Variants in ZBTB7A observed in about 807,000 individuals in gnomAD.
ZBTB7A encodes the protein zinc finger and BTB domain-containing protein 7A.
In ZBTB7A, 7 loss-of-function variants were observed where a neutral mutation model predicts 26.7. The ratio of observed to expected loss-of-function variants is 0.26; its 90% CI spans 0.15 to 0.49. ZBTB7A has a LOEUF of 0.49. ZBTB7A is among the 20% of genes least tolerant of loss of function. ZBTB7A has a pLI of 0.98. For missense variants in ZBTB7A, 617 were observed against 919.5 expected, an observed-to-expected ratio of 0.67 and a Z score of 4.25; for synonymous variants, 452 against 441.0, an observed-to-expected ratio of 1.02 and a Z score of -0.31.
At chr19:4,050,619 C>T (rs2040492728) in intron 2 of ZBTB7A, among the ~76,000 whole-genome samples, 1 of 152,132 alleles carries the variant, frequency 6.6e-6, no homozygotes, top group South Asian at 2.1e-4. Flanking sequence ...GCTGGAAGTG[C>T]AAAAGGTACC....
Position 4,054,844 on chromosome 19 carries a change from T to C in ZBTB7A, c.389A>G (p.Gln130Arg). The change falls in exon 2 of 3, where the codon CAG becomes CGG. Residue 130 changes from glutamine to arginine, a missense_variant. By Grantham distance (43) the Gln-to-Arg change is conservative (BLOSUM62 1). This residue lies in a region of ZBTB7A where 331 missense variants were observed against 391.3 expected (regional missense o/e 0.85). Coordinates refer to ENST00000322357, the MANE Select transcript of ZBTB7A (RefSeq NM_015898.4). The stretch of plus-strand genomic sequence containing the variant: ...GGCGCCCGCGTCGGCCGCCAGGATC[T>C]GCCGGTCCAGGAGGTCGGCGCACAC... ...SHVCADLLDR[Q>R]ILAADAGADA... 1 of 1,607,456 alleles carries C rather than the reference T, an allele frequency of 6.2e-7. No homozygotes were observed. The highest frequency in any genetic ancestry group is 8.5e-7 in the Non-Finnish European group (1 of 1,176,910).
At position 4,054,410 on chromosome 19, in the gene ZBTB7A, C is replaced by T. The variant is rs1226893087; in HGVS notation, c.823G>A (p.Gly275Ser). 1.2e-5 allele frequency: 17 copies of T among 1,383,824 alleles called. No individual in the cohort carries two copies. The East Asian group carries it at 1.3e-4, about 10-fold the overall frequency. The allele number at this position is 1,383,824 out of a possible 1,614,324, so 85.7% of individuals were successfully genotyped here. Residue 275 changes from glycine to serine, a missense_variant, in exon 2 of 3, where the codon GGC becomes AGC. By Grantham distance (56) the Gly-to-Ser change is moderately conservative. Coordinates refer to ENST00000322357, the MANE Select transcript of ZBTB7A (RefSeq NM_015898.4). ...AGCGAGGCGGCCTCCTCCTCTCCGC[C>T]GCGGCCGTAGTGGCCGTTCTGCGTG... Reference protein sequence around the residue: ...AATQNGHYGRGGEEEAASLSE... With the variant: ...AATQNGHYGRSGEEEAASLSE...
In ZBTB7A at chr19:4,049,498, G is replaced by A. The variant is rs1249296303; in HGVS notation, c.1263-1254C>T. Among the ~76,000 whole-genome samples the A allele has an allele frequency of 2.0e-5, 3 of 152,026 alleles. No individual in the cohort carries two copies. In the East Asian group the frequency reaches 5.9e-4, roughly 30 times the overall value. On this transcript the variant is annotated intron_variant, in intron 2 of 2. Coordinates refer to ENST00000322357, the MANE Select transcript of ZBTB7A (RefSeq NM_015898.4). ...AGGGCCAGGCCCTGTTCCAGGTGCT[G>A]AAAATACCGCAAGGAACAAGACAGG...
In ZBTB7A at chr19:4,054,834, C is replaced by T. The variant is rs1366050145; in HGVS notation, c.399G>A (p.Ala133=). ...CADLLDRQIL[A]ADAGADAGQL... ...GCCCGGCGTCGGCGCCCGCGTCGGC[C>T]GCCAGGATCTGCCGGTCCAGGAGGT... The change falls in exon 2 of 3, where the codon GCG becomes GCA. Residue 133 remains alanine, a synonymous_variant. Transcript: ENST00000322357. The T allele has an allele frequency of 1.2e-6, 2 of 1,604,846 alleles. No homozygotes were observed. Among genetic ancestry groups the T allele is most frequent in the Non-Finnish European group, 1.7e-6 (2 of 1,175,714 alleles).
intron 2 of ZBTB7A, among the ~76,000 whole-genome samples, 200 bp downstream of exon 2, chr19:4,053,769 CGT>C (rs2040534057): frequency 6.7e-6 from 1 of 149,128 alleles, no homozygotes; most frequent in African/African-American, 2.5e-5. Flanking sequence ...TGTGCAAGTG[CGT>C]GTATGTGTGT....
Position 4,052,348 on chromosome 19 carries a change from G to GC in ZBTB7A, c.1262+1622dup, listed in dbSNP as rs1005276533. 9.2e-5 allele frequency among the ~76,000 whole-genome samples: 14 copies of GC among 152,086 alleles called. No individual in the cohort carries two copies. The highest frequency in any genetic ancestry group is 2.9e-4 in the African/African-American group (12 of 41,416). On this transcript the variant is annotated intron_variant, in intron 2 of 2. Coordinates refer to ENST00000322357, the MANE Select transcript of ZBTB7A (RefSeq NM_015898.4). This position sits in a 1 kb window ranked among gnomAD's most constrained non-coding sequence, Gnocchi z 4.9. ...GTGACCCCTGCCTGGAGGAAGAGGA[G>GC]CCCCCCAAGACCTCCAGTACCCCAA...
rs139888569 is a variant in ZBTB7A, at chr19:4,047,770, G to T, written c.1737C>A (p.Phe579Leu). 6.2e-7 allele frequency: 1 copy of T among 1,600,916 alleles called. No individual in the cohort carries two copies. The highest frequency in any genetic ancestry group is 1.1e-5 in the South Asian group (1 of 89,596). ...GGPGAATDGN[F>L]TAGLA ...TTGGTTTTTAGGCGAGTCCGGCTGT[G>T]AAGTTACCGTCGGTGGCGGCCCCGG... The change falls in exon 3 of 3, where the codon TTC (phenylalanine) becomes TTA (leucine). Residue 579 changes from phenylalanine (F) to leucine (L), a missense_variant. Physicochemically the swap from Phe to Leu is conservative, Grantham distance 22. This residue lies in a region of ZBTB7A where 136 missense variants were observed against 126.6 expected (regional missense o/e 1.07). Transcript: ENST00000322357.
chr19:4,046,423 TCTCG>T lies in ZBTB7A; in HGVS notation c.*1325_*1328del, dbSNP rs2040417700. The T allele has an allele frequency of 1.4e-5, 2 of 139,970 alleles. No individual in the cohort carries two copies. Among genetic ancestry groups the T allele is most frequent in the African/African-American group, 5.8e-5 (2 of 34,300 alleles). 8.7% of individuals were successfully genotyped at this position (139,970 alleles called of 1,614,324 possible). A position where few individuals can be genotyped will look rare whatever the true frequency, so the allele number is the denominator to read the frequency against. ...CTCTCGCTCTCTCTCTCGCTCTCTC[TCTCG>T]CTCGCTTTTTTTTTTTTTTTTTGTC... On this transcript the variant is annotated 3_prime_UTR_variant, in exon 3 of 3. Transcript: ENST00000322357.
intron 1 of ZBTB7A, among the ~76,000 whole-genome samples, chr19:4,057,712 G>A (rs750156364): frequency 7.3e-5 from 11 of 151,208 alleles, no homozygotes; most frequent in Non-Finnish European, 1.0e-4. Flanking sequence ...ACCAGGAGGT[G>A]GAGGCTGCAG....
chr19:4,066,639 G>A (rs2040698328), intron 1 of ZBTB7A, 43 bp downstream of exon 1: 2 of 151,216 alleles, frequency 1.3e-5, no homozygotes. Flanking sequence ...GCCCGTCCCC[G>A]CCCTGCACCC....
rs140436867 is a variant in ZBTB7A at position 4,056,119 on chromosome 19, G to A, written c.-15-872C>T. Among the ~76,000 whole-genome samples the A allele has an allele frequency of 3.7e-3, 565 of 151,470 alleles. 6 individuals are homozygous for A. Among genetic ancestry groups the A allele is most frequent in the African/African-American group, 0.013 (530 of 41,182 alleles). ...GTACACAAAAGCAATCAGACGTCATGTCCCCAGCCTCAGTTTCCCCAGCTG... is the reference window on the plus strand; with the variant it reads ...GTACACAAAAGCAATCAGACGTCATATCCCCAGCCTCAGTTTCCCCAGCTG... On this transcript the variant is annotated intron_variant, in intron 1 of 2. Transcript: ENST00000322357.
At chr19:4,049,209 T>TAC (rs2040470347) in intron 2 of ZBTB7A, among the ~76,000 whole-genome samples, 2 of 30,006 alleles carry the variant, frequency 6.7e-5, no homozygotes, top group Non-Finnish European at 2.1e-4. Flanking sequence ...TATATATATA[T>TAC]GTAAGTTTGA....
intron 1 of ZBTB7A, among the ~76,000 whole-genome samples, chr19:4,056,079 C>A (rs1489857042): frequency 6.6e-6 from 1 of 151,954 alleles, no homozygotes; most frequent in Admixed American, 6.6e-5. Flanking sequence ...CCTCCCCCAG[C>A]CTGTTTCCCC....
rs967678546 is a variant in ZBTB7A at position 4,044,828 on chromosome 19, T to TTTTG, written c.*2920_*2923dup. On this transcript the variant is annotated 3_prime_UTR_variant, in exon 3 of 3. Transcript: ENST00000322357. Reference sequence around the variant, plus strand: ...ACGACCCTCCTCAAATATCATTTTTTTTTGTTTGTTTGTTTCCTGAAACGC... The same window carrying TTTTG: ...ACGACCCTCCTCAAATATCATTTTTTTTTGTTTGTTTGTTTGTTTCCTGAAACGC... The TTTTG allele has an allele frequency of 1.6e-4, 24 of 152,152 alleles. No homozygotes were observed. The highest frequency in any genetic ancestry group is 5.3e-4 in the African/African-American group (22 of 41,504). 9.4% of individuals were successfully genotyped at this position (152,152 alleles called of 1,614,324 possible).
intron 2 of ZBTB7A, among the ~76,000 whole-genome samples, chr19:4,049,060 C>G (rs1490168808): frequency 2.0e-5 from 3 of 148,830 alleles, no homozygotes; most frequent in African/African-American, 7.4e-5. Context: ...CCTGCAGCCT[C>G]GAACTCCTGG....
chr19:4,059,510 T>C (rs1599260651), intron 1 of ZBTB7A, among the ~76,000 whole-genome samples: 1 of 152,062 alleles, frequency 6.6e-6, no homozygotes. Flanking sequence ...AAAGCCCCCG[T>C]GAGAGGACTG....
At position 4,047,699 on chromosome 19, in the gene ZBTB7A, T is replaced by TTCTC; in HGVS notation, c.*49_*52dup. ...TTGGGGGGGTGGTGGGTGATTTTTT[T>TTCTC]TCTCTCTCTCTGTCTCTCTCTTTCT... is the stretch of plus-strand genomic sequence containing the variant. On this transcript the variant is annotated 3_prime_UTR_variant, in exon 3 of 3. Transcript: ENST00000322357. 3 of 1,540,418 alleles carry TTCTC rather than the reference T, an allele frequency of 1.9e-6. No homozygotes were observed. Among genetic ancestry groups the TTCTC allele is most frequent in the East Asian group, 2.4e-5 (1 of 41,960 alleles).
At position 4,054,272 on chromosome 19, in the gene ZBTB7A, G is replaced by T; in HGVS notation, c.961C>A (p.Gln321Lys). 2 of 1,560,996 alleles carry T rather than the reference G, an allele frequency of 1.3e-6. No individual in the cohort carries two copies. The highest frequency in any genetic ancestry group is 8.6e-7 in the Non-Finnish European group (1 of 1,160,324). Residue 321 changes from glutamine to lysine, a missense_variant, in exon 2 of 3, where the codon CAG becomes AAG. Gln to Lys is a moderately conservative substitution (Grantham distance 53). This residue lies in a region of ZBTB7A where 331 missense variants were observed against 391.3 expected (regional missense o/e 0.85). Transcript: ENST00000322357. ...CGGCCCACCGATGACATCATCTGCT[G>T]CAGCAGCGTGCTGGCCGCCAGCCCG... is the stretch of plus-strand genomic sequence containing the variant. ...VDGLAASTLL[Q>K]QMMSSVGRAG... is the part of the protein sequence containing the mutation.
At chr19:4,062,780 C>T (rs1197238076) in intron 1 of ZBTB7A, 1 of 152,120 alleles carries the variant, frequency 6.6e-6, no homozygotes, top group Non-Finnish European at 1.5e-5. Context: ...GGAGGGGCCT[C>T]TGCCCCTCCA....
Sources: allele counts gnomAD v4.1 joint callset (sites outside exome capture counted in the v4.1 genomes callset), GRCh38; gene constraint gnomAD v4.1.1; regional missense constraint gnomAD v4.1.1; non-coding constraint Gnocchi (gnomAD v3.1); transcripts MANE v1.5; gene names NCBI Gene and HGNC (gene_info 2026-07-23, HGNC 2026-07-21).